The following CMIP variants were observed in gnomAD, a reference collection of about 807,000 sequenced individuals.
The protein encoded by CMIP is c-Maf inducing protein.
A neutral mutation model predicts 97.3 loss-of-function variants in CMIP; 13 were observed. The observed-to-expected ratio is 0.13, with a 90% confidence interval of 0.09 to 0.21. The LOEUF (loss-of-function observed/expected upper bound fraction) is 0.21. Among genes scored for constraint, CMIP ranks in the 10% least tolerant of loss-of-function variants. The probability of loss-of-function intolerance (pLI) is 1.00; values close to 1 mark genes in which losing one functional copy is unlikely to be tolerated. For missense variants in CMIP, 847 were observed against 1,024.9 expected, an observed-to-expected ratio of 0.83 and a Z score of 2.37; for synonymous variants, 538 against 436.3, an observed-to-expected ratio of 1.23 and a Z score of -2.91.
At chr16:81,640,314 A>T (rs1404129991) in intron 3 of CMIP, among the ~76,000 whole-genome samples, 1 of 143,502 alleles carries the variant, frequency 7.0e-6, no homozygotes, top group Non-Finnish European at 1.5e-5. Flanking sequence ...CCCCAGGGAA[A>T]GAAAACCCAA....
intron 1 of CMIP, among the ~76,000 whole-genome samples, chr16:81,476,918 G>C (rs55651404): frequency 0.21 from 31,962 of 151,940 alleles, 3,603 homozygotes; most frequent in Non-Finnish European, 0.25. Flanking sequence ...TTTAGGAGAC[G>C]GTGAAGATGA....
Position 81,691,873 on chromosome 16 carries a change from A to C in CMIP, c.1454+33A>C, listed in dbSNP as rs751135531. On this transcript the variant is annotated intron_variant, in intron 11 of 20. Coordinates refer to ENST00000537098, the MANE Select transcript of CMIP (RefSeq NM_198390.3). ...CCGTGTGCATCCCCGGAGCCCTCCC[A>C]CCTGTGAGACAAACCTCAGTTGTCC... 1.9e-6 allele frequency: 3 copies of C among 1,576,102 alleles called. No homozygotes were observed. In the African/African-American group the frequency reaches 4.0e-5, roughly 21 times the overall value.
intron 10 of CMIP, among the ~76,000 whole-genome samples, chr16:81,688,073 G>A (rs1905616561): frequency 6.6e-6 from 1 of 152,224 alleles, no homozygotes; most frequent in African/African-American, 2.4e-5. Flanking sequence ...AATACTGTTC[G>A]GTTGTGGGAC....
At chr16:81,654,849 A>G (rs144501398) in intron 4 of CMIP, among the ~76,000 whole-genome samples, 9 of 152,198 alleles carry the variant, frequency 5.9e-5, no homozygotes, top group African/African-American at 2.2e-4. Context: ...CCGGGTTGGT[A>G]GAGACTTTCT....
At chr16:81,679,487 G>A (rs115277267) in intron 10 of CMIP, among the ~76,000 whole-genome samples, 1 of 152,126 alleles carries the variant, frequency 6.6e-6, no homozygotes, top group Admixed American at 6.5e-5. Flanking sequence ...GTGAGTATCT[G>A]TGCATATGCA....
chr16:81,544,582 C>G (rs1218386827), intron 1 of CMIP, among the ~76,000 whole-genome samples: 2 of 151,986 alleles, frequency 1.3e-5, no homozygotes, highest in Non-Finnish European at 2.9e-5. Context: ...TATTTCTGCT[C>G]TGGGTCCAGT....
At chr16:81,578,314 C>T (rs752077100) in intron 1 of CMIP, among the ~76,000 whole-genome samples, 3 of 152,368 alleles carry the variant, frequency 2.0e-5, no homozygotes, top group Non-Finnish European at 4.4e-5. Context: ...AAGTGAGAGA[C>T]ACTGCATATA....
At chr16:81,684,346 G>A (rs1021625359) in intron 10 of CMIP, among the ~76,000 whole-genome samples, 1 of 152,248 alleles carries the variant, frequency 6.6e-6, no homozygotes, top group African/African-American at 2.4e-5. Context: ...TGGTCTGAAT[G>A]TGCCCCCACA....
At chr16:81,682,670 G>A (rs765752276) in intron 10 of CMIP, among the ~76,000 whole-genome samples, 6 of 152,220 alleles carry the variant, frequency 3.9e-5, no homozygotes, top group Non-Finnish European at 8.8e-5. Flanking sequence ...CACATCCATC[G>A]GAGAGGGCAG....
At chr16:81,584,784 A>T (rs932735225) in intron 1 of CMIP, among the ~76,000 whole-genome samples, 4 of 152,196 alleles carry the variant, frequency 2.6e-5, no homozygotes, top group African/African-American at 9.7e-5. Flanking sequence ...CTGAGACCCT[A>T]GTACTTCATT....
intron 1 of CMIP, among the ~76,000 whole-genome samples, chr16:81,480,628 G>A (rs1240176690): frequency 2.6e-5 from 4 of 152,212 alleles, no homozygotes; most frequent in African/African-American, 9.7e-5. Flanking sequence ...GGTGATTTTG[G>A]AAGGGGCACC....
intron 1 of CMIP, among the ~76,000 whole-genome samples, chr16:81,606,667 G>A (rs1375066765): frequency 6.6e-6 from 1 of 151,970 alleles, no homozygotes; most frequent in Non-Finnish European, 1.5e-5. Flanking sequence ...AACCAAGACA[G>A]ACCTAGGCCC....
chr16:81,648,433 C>G (rs560326359), intron 3 of CMIP, among the ~76,000 whole-genome samples: 3 of 152,060 alleles, frequency 2.0e-5, no homozygotes, highest in Non-Finnish European at 4.4e-5. Context: ...CCCTGCAGAG[C>G]GCATGCTTTT....
intron 1 of CMIP, among the ~76,000 whole-genome samples, chr16:81,570,359 G>C (rs548503023): frequency 6.6e-6 from 1 of 152,154 alleles, no homozygotes; most frequent in Non-Finnish European, 1.5e-5. Flanking sequence ...CTGTCGTGGG[G>C]CCAGTGCTGT....
chr16:81,566,114 C>G (rs990805011), intron 1 of CMIP, among the ~76,000 whole-genome samples: 2 of 152,248 alleles, frequency 1.3e-5, no homozygotes, highest in African/African-American at 4.8e-5. Context: ...TTCTGCCACT[C>G]TGTCTCGGAC....
At chr16:81,482,070 C>A (rs990260694) in intron 1 of CMIP, among the ~76,000 whole-genome samples, 4 of 151,942 alleles carry the variant, frequency 2.6e-5, no homozygotes, top group African/African-American at 9.7e-5. Flanking sequence ...GCAGAGACAG[C>A]GTTTCACCAT....
intron 1 of CMIP, among the ~76,000 whole-genome samples, chr16:81,506,007 A>T (rs2089702515): frequency 6.6e-6 from 1 of 152,208 alleles, no homozygotes; most frequent in Non-Finnish European, 1.5e-5. Flanking sequence ...AAATAAAATA[A>T]AATAAATCAG....
intron 1 of CMIP, among the ~76,000 whole-genome samples, chr16:81,559,017 T>C (rs72829043): frequency 0.17 from 25,918 of 152,210 alleles, 2,274 homozygotes; most frequent in Non-Finnish European, 0.19. Context: ...ACCCCGTGTT[T>C]GTGAATGATC....
At chr16:81,536,827 A>C (rs563550500) in intron 1 of CMIP, among the ~76,000 whole-genome samples, 4 of 152,206 alleles carry the variant, frequency 2.6e-5, no homozygotes, top group Admixed American at 2.6e-4. Context: ...GCACACGTAC[A>C]GCTCAGTGAA....
Sources: allele counts gnomAD v4.1 joint callset (sites outside exome capture counted in the v4.1 genomes callset), GRCh38; gene constraint gnomAD v4.1.1; transcripts MANE v1.5; gene names NCBI Gene and HGNC (gene_info 2026-07-23, HGNC 2026-07-21).